TPD52L1: variants seen among roughly 807,000 people sequenced by gnomAD.
TPD52L1 encodes the protein TPD52 like 1.
A neutral mutation model predicts 28.7 loss-of-function variants in TPD52L1; 18 were observed. The observed-to-expected ratio is 0.63, with a 90% CI of 0.43 to 0.93. The LOEUF is 0.93. Among genes scored for constraint, TPD52L1 ranks in the 40% least tolerant of loss-of-function variants. The pLI is 0.00. For missense variants in TPD52L1, 203 were observed against 254.8 expected (o/e 0.80, Z 1.39); for synonymous variants, 75 against 88.8 (o/e 0.84, Z 0.88).
At chr6:125,229,782 G>T (rs1000084038) in intron 3 of TPD52L1, among the ~76,000 whole-genome samples, 1 of 152,100 alleles carries the variant, frequency 6.6e-6, no homozygotes, top group African/African-American at 2.4e-5. Flanking sequence ...TTTAGAGCTG[G>T]GTTTAGACCA....
intron 1 of TPD52L1, among the ~76,000 whole-genome samples, chr6:125,179,045 C>A (rs527877783): frequency 1.3e-5 from 2 of 152,278 alleles, no homozygotes; most frequent in African/African-American, 2.4e-5. Flanking sequence ...GACTTCCCAC[C>A]CAAGTGGAAC....
chr6:125,242,372 A>G lies in TPD52L1; in HGVS notation c.285-5910A>G, dbSNP rs544303931. On this transcript the variant is annotated intron_variant, in intron 3 of 6. Coordinates refer to ENST00000534000, the MANE Select transcript of TPD52L1 (RefSeq NM_003287.4). ...GATTTTCCATCTTGATGACATGTCT[A>G]GTGCTGTCATTGTAGTATTAAAGTC... Among the ~76,000 whole-genome samples the G allele has an allele frequency of 7.2e-5, 11 of 152,148 alleles. No homozygotes were observed. In the East Asian group the frequency reaches 1.9e-3, roughly 27 times the overall value.
At chr6:125,181,798 G>T (rs1792213009) in intron 1 of TPD52L1, among the ~76,000 whole-genome samples, 1 of 152,130 alleles carries the variant, frequency 6.6e-6, no homozygotes, top group South Asian at 2.1e-4. Context: ...TGGACATATT[G>T]TCTTCTCCCA....
chr6:125,200,304 A>G (rs1793723138), intron 1 of TPD52L1, among the ~76,000 whole-genome samples: 1 of 152,240 alleles, frequency 6.6e-6, no homozygotes, highest in South Asian at 2.1e-4. Flanking sequence ...TGCACTAGCC[A>G]CAAACAGATT....
At chr6:125,215,179 T>A (rs1034650796) in intron 1 of TPD52L1, among the ~76,000 whole-genome samples, 1 of 152,256 alleles carries the variant, frequency 6.6e-6, no homozygotes, top group African/African-American at 2.4e-5. Context: ...AATTTTATAC[T>A]TATTTTATTG....
intron 1 of TPD52L1, among the ~76,000 whole-genome samples, chr6:125,180,462 C>A (rs574850029): frequency 1.6e-4 from 25 of 152,088 alleles, no homozygotes; most frequent in Non-Finnish European, 3.2e-4. Flanking sequence ...ATTACCCTAA[C>A]TTTGAAGGTC....
chr6:125,240,395 A>G (rs1254080863), intron 3 of TPD52L1, among the ~76,000 whole-genome samples: 1 of 152,084 alleles, frequency 6.6e-6, no homozygotes, highest in East Asian at 1.9e-4. Flanking sequence ...AATTGCATTG[A>G]ATCTGTAGAT....
At chr6:125,238,816 A>G (rs1179677782) in intron 3 of TPD52L1, among the ~76,000 whole-genome samples, 1 of 152,236 alleles carries the variant, frequency 6.6e-6, no homozygotes, top group Non-Finnish European at 1.5e-5. Context: ...ATAAATAAAG[A>G]AAAATTTGGA....
chr6:125,168,948 G>T (rs1279136384), intron 1 of TPD52L1, among the ~76,000 whole-genome samples: 5 of 152,116 alleles, frequency 3.3e-5, no homozygotes, highest in African/African-American at 1.2e-4. Context: ...GTTGGAAAAA[G>T]AGAAAGTCAG....
chr6:125,233,877 G>A (rs940331053), intron 3 of TPD52L1, among the ~76,000 whole-genome samples: 1 of 152,150 alleles, frequency 6.6e-6, no homozygotes, highest in African/African-American at 2.4e-5. Context: ...GACTTTGCAT[G>A]AAAAGTCAAC....
intron 3 of TPD52L1, among the ~76,000 whole-genome samples, chr6:125,230,890 A>G (rs1795910106): frequency 2.6e-5 from 4 of 152,218 alleles, no homozygotes; most frequent in African/African-American, 9.6e-5. Flanking sequence ...CAACCTAATG[A>G]TGACAATTAC....
intron 2 of TPD52L1, among the ~76,000 whole-genome samples, chr6:125,224,719 T>C (rs1466911356): frequency 6.6e-6 from 1 of 152,210 alleles, no homozygotes; most frequent in African/African-American, 2.4e-5. Flanking sequence ...TGATGATGCC[T>C]AGTTTATGAA....
chr6:125,212,804 G>A (rs975967742), intron 1 of TPD52L1, among the ~76,000 whole-genome samples: 1 of 152,224 alleles, frequency 6.6e-6, no homozygotes, highest in Admixed American at 6.5e-5. Flanking sequence ...AATTTGTGGT[G>A]TTGTTCAGCT....
At chr6:125,243,348 G>C (rs1796728948) in intron 3 of TPD52L1, among the ~76,000 whole-genome samples, 2 of 152,092 alleles carry the variant, frequency 1.3e-5, no homozygotes, top group African/African-American at 4.8e-5. Flanking sequence ...TCATTGTCTA[G>C]ATCTCTGGCA....
chr6:125,249,100 A>G (rs926474888), intron 4 of TPD52L1, among the ~76,000 whole-genome samples: 3 of 151,482 alleles, frequency 2.0e-5, no homozygotes, highest in Admixed American at 6.6e-5. Context: ...AAAATGTAGT[A>G]TTGCCCATAG....
chr6:125,214,233 T>A (rs1794707513), intron 1 of TPD52L1, among the ~76,000 whole-genome samples: 1 of 152,080 alleles, frequency 6.6e-6, no homozygotes. Context: ...AATCCTTAGG[T>A]CATCTCCTGG....
chr6:125,197,116 A>G (rs1793499598), intron 1 of TPD52L1, among the ~76,000 whole-genome samples: 1 of 152,192 alleles, frequency 6.6e-6, no homozygotes, highest in Non-Finnish European at 1.5e-5. Context: ...ACTCATAATC[A>G]TGCTTGCTGA....
At chr6:125,232,115 T>C (rs1259810174) in intron 3 of TPD52L1, among the ~76,000 whole-genome samples, 4 of 152,138 alleles carry the variant, frequency 2.6e-5, no homozygotes, top group African/African-American at 9.7e-5. Context: ...AGATGGACAT[T>C]TGGGATTCAA....
chr6:125,231,919 A>G (rs1192410782), intron 3 of TPD52L1, among the ~76,000 whole-genome samples: 2 of 152,256 alleles, frequency 1.3e-5, no homozygotes, highest in Middle Eastern at 3.4e-3. Flanking sequence ...ATGTTCGTAA[A>G]GGCTGCAGGA....
Sources: gnomAD v4.1 joint callset for allele counts (sites outside exome capture counted in the v4.1 genomes callset) on GRCh38, gnomAD v4.1.1 for gene constraint, MANE v1.5 for transcripts, NCBI Gene and HGNC (gene_info 2026-07-23, HGNC 2026-07-21) for gene names.